Variants in DST observed in about 807,000 individuals in gnomAD.
DST encodes bullous pemphigoid antigen.
Under a neutral mutation model 875.2 loss-of-function variants are expected in DST, and 253 were observed. The observed-to-expected ratio is 0.29, with a 90% confidence interval of 0.26 to 0.32. DST has a LOEUF of 0.32. Among genes scored for constraint, DST ranks in the 10% least tolerant of loss-of-function variants. The pLI is 1.00. For missense variants in DST, 8,287 were observed against 9,111.6 expected, an observed-to-expected ratio of 0.91 and a Z score of 3.68; for synonymous variants, 3,124 against 3,197.1, an observed-to-expected ratio of 0.98 and a Z score of 0.77.
rs1368186985 is a variant in DST at position 56,632,010 on chromosome 6, T to C, written c.3836A>G (p.Tyr1279Cys). Residue 1279 changes from tyrosine to cysteine, a missense_variant, in exon 29 of 104, where the codon TAC (tyrosine) becomes TGC (cysteine). By Grantham distance (194) the Tyr-to-Cys change is radical (BLOSUM62 -2). This residue lies in a region of DST where 3,138 missense variants were observed against 3,116.6 expected (regional missense o/e 1.01). Coordinates refer to ENST00000680361, the MANE Select transcript of DST (RefSeq NM_001374736.1). ...EEQEESVYNL[Y>C]ISEVRNIRLR... ...TCTAATGTTTCGAACTTCAGAGATGTAGAGATTATAAACTGATTCCTCTTG... is the reference window on the plus strand; with the variant it reads ...TCTAATGTTTCGAACTTCAGAGATGCAGAGATTATAAACTGATTCCTCTTG... 12 of 1,613,302 alleles carry C rather than the reference T, an allele frequency of 7.4e-6. No individual in the cohort carries two copies. The highest frequency in any genetic ancestry group is 1.0e-5 in the Non-Finnish European group (12 of 1,179,290).
intron 77 of DST, 37 bp downstream of exon 77, chr6:56,506,406 C>T (rs2152467999): frequency 1.3e-6 from 2 of 1,523,080 alleles, no homozygotes; most frequent in East Asian, 2.3e-5. Context: ...ATTCCTCCTT[C>T]CAGCTAAGAC....
chr6:56,553,589 T>A lies in DST; in HGVS notation c.15203A>T (p.Asp5068Val), dbSNP rs2097353414. The change falls in exon 61 of 104, where the codon GAT becomes GTT. Residue 5068 changes from aspartate (D) to valine (V), a missense_variant. Physicochemically the swap from Asp to Val is radical, Grantham distance 152. Coordinates refer to ENST00000680361, the MANE Select transcript of DST (RefSeq NM_001374736.1). ...SSHQFQQMSR[D>V]FQAWLDTKKE... is the part of the protein sequence containing the mutation. The stretch of plus-strand genomic sequence containing the variant: ...CTTTGTATCCAGCCAAGCCTGAAAA[T>A]CTCTAGACATTTGCTGAAATTGATG... The A allele has an allele frequency of 1.2e-6, 2 of 1,613,812 alleles. No individual in the cohort carries two copies. Among genetic ancestry groups the A allele is most frequent in the Non-Finnish European group, 1.7e-6 (2 of 1,179,860 alleles).
chr6:56,863,786 T>C (rs924071544), intron 3 of DST: 1 of 152,186 alleles, frequency 6.6e-6, no homozygotes, highest in Admixed American at 6.5e-5. Flanking sequence ...CCATAGAACA[T>C]ATGACTATAT....
chr6:56,876,865 A>C (rs1779849743), intron 3 of DST, among the ~76,000 whole-genome samples: 1 of 151,938 alleles, frequency 6.6e-6, no homozygotes, highest in South Asian at 2.1e-4. Flanking sequence ...AAATATCTCA[A>C]ATGTCTCCCA....
chr6:56,560,807 CT>C (rs1332940018), intron 57 of DST, among the ~76,000 whole-genome samples: 1 of 152,028 alleles, frequency 6.6e-6, no homozygotes, highest in Non-Finnish European at 1.5e-5. Flanking sequence ...TGAATAAACA[CT>C]TTTTTTGGGC....
chr6:56,854,308 G>T (rs957381787), intron 3 of DST, among the ~76,000 whole-genome samples: 2 of 151,852 alleles, frequency 1.3e-5, no homozygotes, highest in African/African-American at 4.8e-5. Flanking sequence ...CTTTGATGTG[G>T]GGCTTAGAAA....
chr6:56,630,464 CACATGACATA>C, intron 30 of DST, 81 bp from the exon 31 acceptor site: 1 of 1,196,418 alleles, frequency 8.4e-7, no homozygotes, highest in South Asian at 1.3e-5. Context: ...ACCATTATGA[CACATGACATA>C]ACATGTTCTT....
chr6:56,515,554 C>T lies in DST; in HGVS notation c.18472G>A (p.Glu6158Lys), dbSNP rs955207101. The change falls in exon 72 of 104, where the codon GAA (glutamate) becomes AAA (lysine). Residue 6158 changes from glutamate to lysine, a missense_variant. By Grantham distance (56) the Glu-to-Lys change is moderately conservative. Coordinates refer to ENST00000680361, the MANE Select transcript of DST (RefSeq NM_001374736.1). ...SLVNQFWETY[E>K]ELWPWLTETQ... ...TCTGTCAGCCATGGCCAAAGTTCTT[C>T]ATATGTTTCCCAGAATTGGTTAACC... 8.1e-6 allele frequency: 13 copies of T among 1,613,802 alleles called. No homozygotes were observed. The highest frequency in any genetic ancestry group is 1.6e-4 in the Middle Eastern group (1 of 6,084).
At chr6:56,570,094 A>T (rs1397652605) in intron 53 of DST, 82 bp from the exon 54 acceptor site, 1 of 1,050,234 alleles carries the variant, frequency 9.5e-7, no homozygotes, top group Non-Finnish European at 1.3e-6. Flanking sequence ...CACAATGTTA[A>T]GAAACCATCT....
rs747196437 is a variant in DST at position 56,592,356 on chromosome 6, G to A, written c.12729C>T (p.Cys4243=). Residue 4243 remains cysteine (C), a splice_region_variant and synonymous_variant, in exon 49 of 104, where the codon TGC becomes TGT. Coordinates refer to ENST00000680361, the MANE Select transcript of DST (RefSeq NM_001374736.1). Reference sequence around the variant, plus strand: ...CTTTAAGATTATTTCCAAGAACATTGCACTAACAATCAAAAGAGAAAAGGG... The same window carrying A: ...CTTTAAGATTATTTCCAAGAACATTACACTAACAATCAAAAGAGAAAAGGG... The part of the protein sequence containing the change: ...TDRFRSLYSK[C]NVLGNNLKDL... 1.1e-5 allele frequency: 18 copies of A among 1,586,828 alleles called. No individual in the cohort carries two copies. In the African/African-American group the frequency reaches 2.3e-4, roughly 20 times the overall value.
intron 60 of DST, among the ~76,000 whole-genome samples, chr6:56,555,003 C>T (rs530348503): frequency 4.4e-4 from 67 of 152,328 alleles, no homozygotes; most frequent in Non-Finnish European, 8.5e-4. Context: ...TGATGCAAAG[C>T]CTTTTACTAA....
rs376195050 is a variant in DST at position 56,532,424 on chromosome 6, G to C, written c.17028C>G (p.Pro5676=). The stretch of plus-strand genomic sequence containing the variant: ...GTTTCAAAATCTTCACTTTATCTGC[G>C]GGCTCTGCTGTTGTAGCAATTTTTT... The part of the protein sequence containing the change: ...EGEKIATTAE[P]ADKVKILKQL... The change falls in exon 64 of 104, where the codon CCC becomes CCG. Residue 5676 remains proline, a synonymous_variant. Coordinates refer to ENST00000680361, the MANE Select transcript of DST (RefSeq NM_001374736.1). The C allele has an allele frequency of 6.8e-6, 11 of 1,613,156 alleles. No homozygotes were observed. The highest frequency in any genetic ancestry group is 9.3e-6 in the Non-Finnish European group (11 of 1,179,626).
At chr6:56,920,585 T>C (rs894656035) in intron 2 of DST, among the ~76,000 whole-genome samples, 4 of 152,204 alleles carry the variant, frequency 2.6e-5, no homozygotes, top group African/African-American at 9.6e-5. Flanking sequence ...TGGTTGTCTA[T>C]AAAAAGTACT....
intron 2 of DST, among the ~76,000 whole-genome samples, chr6:56,900,937 G>A (rs1024613427): frequency 2.0e-5 from 3 of 151,834 alleles, no homozygotes; most frequent in African/African-American, 4.8e-5. Flanking sequence ...TGAAGCATCA[G>A]GGAGACTGTG....
intron 47 of DST, 89 bp downstream of exon 47, chr6:56,597,651 G>T: frequency 7.3e-7 from 1 of 1,374,526 alleles, no homozygotes; most frequent in African/African-American, 1.4e-5. Context: ...TGTCAGTAAG[G>T]TTTGAAAAGA....
chr6:56,907,031 TACA>T (rs971658480), intron 2 of DST, among the ~76,000 whole-genome samples: 53 of 152,334 alleles, frequency 3.5e-4, no homozygotes, highest in African/African-American at 1.2e-3. Context: ...AATAACCCAG[TACA>T]TCTCATGGGT....
intron 2 of DST, among the ~76,000 whole-genome samples, chr6:56,914,907 A>G (rs1800229079): frequency 6.6e-6 from 1 of 152,260 alleles, no homozygotes; most frequent in African/African-American, 2.4e-5. Context: ...AGCTCCATTC[A>G]AAGCTAAGGA....
intron 4 of DST, among the ~76,000 whole-genome samples, chr6:56,740,482 T>C (rs1380636182): frequency 6.6e-6 from 1 of 152,098 alleles, no homozygotes; most frequent in Non-Finnish European, 1.5e-5. Context: ...GGACAGGAAG[T>C]AGGGTAGCAA....
At chr6:56,667,810 A>ATTTT (rs373670048) in intron 10 of DST, among the ~76,000 whole-genome samples, 1 of 149,422 alleles carries the variant, frequency 6.7e-6, no homozygotes, top group African/African-American at 2.5e-5. Flanking sequence ...AGAAAAATGC[A>ATTTT]TTATATATAT....
Sources: allele counts gnomAD v4.1 joint callset (sites outside exome capture counted in the v4.1 genomes callset), GRCh38; gene constraint gnomAD v4.1.1; regional missense constraint gnomAD v4.1.1; transcripts MANE v1.5; gene names NCBI Gene and HGNC (gene_info 2026-07-23, HGNC 2026-07-21).